The following DPYD variants were observed in gnomAD, a reference collection of about 807,000 sequenced individuals.
The protein encoded by DPYD is dihydropyrimidine dehydrogenase [NADP(+)].
DPYD carries 109 observed loss-of-function variants against 116.2 expected under a neutral mutation model. The observed-to-expected ratio is 0.94, with a 90% CI of 0.80 to 1.10. The LOEUF is 1.10. Ranked by LOEUF, DPYD falls within the 50% of genes least tolerant of loss-of-function variation. The pLI is 0.00. For missense variants in DPYD, 1,302 were observed against 1,254.5 expected (o/e 1.04, Z -0.57); for synonymous variants, 440 against 432.0 (o/e 1.02, Z -0.23).
chr1:97,261,977 ATTTT>A (rs546420721), intron 18 of DPYD, among the ~76,000 whole-genome samples: 1 of 151,306 alleles, frequency 6.6e-6, no homozygotes, highest in African/African-American at 2.4e-5. Flanking sequence ...TACTGCCTGA[ATTTT>A]TTTTTGTTTT....
chr1:97,528,610 A>G (rs562308181), intron 12 of DPYD, among the ~76,000 whole-genome samples: 179 of 152,224 alleles, frequency 1.2e-3, no homozygotes, highest in South Asian at 1.9e-3. Context: ...ACAAAAAATA[A>G]CTATTCCTCC....
intron 3 of DPYD, among the ~76,000 whole-genome samples, chr1:97,826,651 CTA>C (rs1257773927): frequency 2.0e-5 from 3 of 152,054 alleles, no homozygotes; most frequent in Non-Finnish European, 2.9e-5. Flanking sequence ...GGATAAACCA[CTA>C]TGTATGGTGA....
At chr1:97,350,111 A>C (rs1670067326) in intron 16 of DPYD, among the ~76,000 whole-genome samples, 1 of 152,174 alleles carries the variant, frequency 6.6e-6, no homozygotes, top group Admixed American at 6.6e-5. Context: ...TAGGCTGGGA[A>C]ACAGATAGAG....
chr1:97,667,281 G>C (rs1261146199), intron 8 of DPYD, among the ~76,000 whole-genome samples: 1 of 151,936 alleles, frequency 6.6e-6, no homozygotes, highest in Admixed American at 6.6e-5. Flanking sequence ...TGCTGAATTT[G>C]GCCCTCTATC....
intron 13 of DPYD, among the ~76,000 whole-genome samples, chr1:97,482,242 G>A (rs988807563): frequency 2.6e-5 from 4 of 152,114 alleles, no homozygotes; most frequent in African/African-American, 9.7e-5. Flanking sequence ...TCTTCCCATT[G>A]CATTAAACTG....
At chr1:97,766,368 G>A (rs576858507) in intron 3 of DPYD, among the ~76,000 whole-genome samples, 2 of 152,190 alleles carry the variant, frequency 1.3e-5, no homozygotes, top group East Asian at 3.9e-4. Flanking sequence ...TGGTTTTATT[G>A]CATGTGATAA....
chr1:97,379,258 G>C (rs1671802851), intron 15 of DPYD, among the ~76,000 whole-genome samples: 1 of 152,184 alleles, frequency 6.6e-6, no homozygotes, highest in Admixed American at 6.5e-5. Context: ...AGTGACAATG[G>C]GGAGAGGCAG....
At chr1:97,321,471 A>T in intron 16 of DPYD, among the ~76,000 whole-genome samples, 1 of 92,828 alleles carries the variant, frequency 1.1e-5, no homozygotes, top group South Asian at 4.8e-4. Flanking sequence ...CAGCCAAAAA[A>T]CACATGAAAA....
chr1:97,696,924 AAAC>A (rs1661340574), intron 6 of DPYD, among the ~76,000 whole-genome samples: 1 of 152,114 alleles, frequency 6.6e-6, no homozygotes, highest in Admixed American at 6.5e-5. Flanking sequence ...GGCCTAATGA[AAAC>A]AATATAAAAT....
At chr1:97,680,912 T>C (rs1169582019) in intron 7 of DPYD, among the ~76,000 whole-genome samples, 3 of 152,134 alleles carry the variant, frequency 2.0e-5, no homozygotes, top group Middle Eastern at 3.4e-3. Context: ...TTTCCTGCCA[T>C]ATAGAAGGAA....
At chr1:97,733,447 T>C (rs182323499) in intron 4 of DPYD, among the ~76,000 whole-genome samples, 39 of 152,132 alleles carry the variant, frequency 2.6e-4, no homozygotes, top group Admixed American at 1.9e-3. Flanking sequence ...GATTAAATTT[T>C]TTTCTAAAAG....
At chr1:97,326,469 T>C (rs1194986479) in intron 16 of DPYD, among the ~76,000 whole-genome samples, 1 of 151,864 alleles carries the variant, frequency 6.6e-6, no homozygotes, top group Non-Finnish European at 1.5e-5. Flanking sequence ...GTCTTGTGAA[T>C]GGATGAGAAG....
chr1:97,512,985 T>C (rs1169792029), intron 13 of DPYD, among the ~76,000 whole-genome samples: 2 of 150,542 alleles, frequency 1.3e-5, no homozygotes, highest in African/African-American at 2.5e-5. Context: ...GATCTTTTCA[T>C]ATTTGACATT....
At chr1:97,448,087 G>T (rs186321318) in intron 14 of DPYD, among the ~76,000 whole-genome samples, 2 of 152,124 alleles carry the variant, frequency 1.3e-5, no homozygotes, top group African/African-American at 2.4e-5. Context: ...AGCCGGGCAT[G>T]GTGGCATGCA....
chr1:97,380,305 A>G (rs950585586), intron 15 of DPYD, among the ~76,000 whole-genome samples: 37 of 152,200 alleles, frequency 2.4e-4, no homozygotes, highest in Non-Finnish European at 4.6e-4. Context: ...TAGACTACCA[A>G]GGTTCCAGAA....
chr1:97,791,542 G>T (rs978412755), intron 3 of DPYD, among the ~76,000 whole-genome samples: 2 of 152,106 alleles, frequency 1.3e-5, no homozygotes, highest in Non-Finnish European at 2.9e-5. Flanking sequence ...TGCATTTTTG[G>T]TAACACAGAA....
chr1:97,113,468 G>C (rs964321060), intron 20 of DPYD, among the ~76,000 whole-genome samples: 1 of 152,076 alleles, frequency 6.6e-6, no homozygotes, highest in Non-Finnish European at 1.5e-5. Flanking sequence ...AGTTTGGGGG[G>C]ATTATGTGTG....
chr1:97,253,181 C>T (rs926988850), intron 18 of DPYD, among the ~76,000 whole-genome samples: 1 of 152,070 alleles, frequency 6.6e-6, no homozygotes, highest in Non-Finnish European at 1.5e-5. Context: ...TATAATGTCA[C>T]AATCAATGAT....
In DPYD at chr1:97,452,645, G is replaced by A. The variant is rs577731601; in HGVS notation, c.1741-2422C>T. On this transcript the variant is annotated intron_variant, in intron 13 of 22. Transcript: ENST00000370192. ...TCATGGGGGAGAATTTCTCATAAATGGTTTAGTATCATCCTCTTGGTACTG... is the reference window on the plus strand; with the variant it reads ...TCATGGGGGAGAATTTCTCATAAATAGTTTAGTATCATCCTCTTGGTACTG... Among the ~76,000 whole-genome samples the A allele has an allele frequency of 8.4e-4, 128 of 152,188 alleles. 3 individuals are homozygous for A. The South Asian group carries it at 0.025, about 30-fold the overall frequency.
Sources: allele counts gnomAD v4.1 joint callset (sites outside exome capture counted in the v4.1 genomes callset), GRCh38; gene constraint gnomAD v4.1.1; transcripts MANE v1.5; gene names NCBI Gene and HGNC (gene_info 2026-07-23, HGNC 2026-07-21).